The following MCF2L variants were observed in gnomAD, a reference collection of about 807,000 sequenced individuals.
MCF2L encodes guanine nucleotide exchange factor DBS.
In MCF2L, 97 loss-of-function variants were observed where a neutral mutation model predicts 153.4. That is an observed-to-expected ratio of 0.63 (90% CI 0.54 to 0.75). The LOEUF (loss-of-function observed/expected upper bound fraction) is 0.75, where lower values mean the gene tolerates loss of function less well. Among genes scored for constraint, MCF2L ranks in the 30% least tolerant of loss-of-function variants. The pLI, the probability that MCF2L is intolerant of heterozygous loss-of-function variation, is 0.00. For synonymous variants in MCF2L, 659 were observed against 632.2 expected (o/e 1.04, Z -0.64); for missense variants, 1,347 against 1,495.2 (o/e 0.90, Z 1.64).
At chr13:112,980,006 C>T (rs1306727823) in intron 1 of MCF2L, among the ~76,000 whole-genome samples, 1 of 152,188 alleles carries the variant, frequency 6.6e-6, no homozygotes, top group Non-Finnish European at 1.5e-5. Context: ...CCTGGGCTTA[C>T]GAATTTCCGC....
chr13:113,087,552 GCT>G, intron 22 of MCF2L, 96 bp downstream of exon 22: 2 of 1,152,962 alleles, frequency 1.7e-6, no homozygotes, highest in Non-Finnish European at 2.5e-6. Flanking sequence ...CTGACACCCA[GCT>G]CTCAGCCTTA....
chr13:112,927,816 T>C (rs1933199), intron 2 of MCF2L, among the ~76,000 whole-genome samples: 64,846 of 151,996 alleles, frequency 0.43, 13,864 homozygotes, highest in South Asian at 0.52. Context: ...TGTGAAGCTC[T>C]ACATGACAAA....
At position 112,904,929 on chromosome 13, in the gene MCF2L, G is replaced by A. The variant is rs541742115; in HGVS notation, c.169+2558G>A. On this transcript the variant is annotated intron_variant, in intron 2 of 29. Coordinates refer to the MCF2L transcript ENST00000375608. The surrounding 1 kb of genome is among the most constrained non-coding windows in gnomAD (Gnocchi z 4.2). ...TGATAGTTTTTTTTGTCATAAAATAGACACCCATGAAATGTACCATTTTAA... is the reference window on the plus strand; with the variant it reads ...TGATAGTTTTTTTTGTCATAAAATAAACACCCATGAAATGTACCATTTTAA... 1.3e-5 allele frequency among the ~76,000 whole-genome samples: 2 copies of A among 152,272 alleles called. No individual in the cohort carries two copies. Among genetic ancestry groups the A allele is most frequent in the Admixed American group, 1.3e-4 (2 of 15,292 alleles).
intron 2 of MCF2L, among the ~76,000 whole-genome samples, chr13:112,952,005 G>C (rs977558963): frequency 1.3e-5 from 2 of 152,220 alleles, no homozygotes; most frequent in African/African-American, 4.8e-5. Flanking sequence ...TCCTTTTAGG[G>C]AATTATGACC....
At chr13:112,913,265 CTG>C (rs1301628468) in intron 2 of MCF2L, among the ~76,000 whole-genome samples, 4 of 148,774 alleles carry the variant, frequency 2.7e-5, no homozygotes, top group African/African-American at 1.0e-4. Flanking sequence ...ATCTCTGTGT[CTG>C]TATGTATGGG....
intron 1 of MCF2L, among the ~76,000 whole-genome samples, chr13:112,897,724 G>A (rs2081081301): frequency 6.6e-6 from 1 of 152,244 alleles, no homozygotes; most frequent in Non-Finnish European, 1.5e-5. Context: ...ATTCATTAAA[G>A]AAATGGCAGA....
intron 2 of MCF2L, among the ~76,000 whole-genome samples, chr13:112,905,958 C>CGAA (rs2081168589): frequency 6.6e-6 from 1 of 152,160 alleles, no homozygotes. Context: ...GAAGGTGATT[C>CGAA]CCCCTGGTTC....
At position 113,070,778 on chromosome 13, in the gene MCF2L, T is replaced by TCAC. The variant is rs2032836177; in HGVS notation, c.996+606_996+608dup. Among the ~76,000 whole-genome samples the TCAC allele has an allele frequency of 6.6e-6, 1 of 152,262 alleles. No individual in the cohort carries two copies. Among genetic ancestry groups the TCAC allele is most frequent in the Non-Finnish European group, 1.5e-5 (1 of 68,048 alleles). On this transcript the variant is annotated intron_variant, in intron 9 of 29. Coordinates refer to ENST00000535094, the MANE Select transcript of MCF2L (RefSeq NM_001112732.3). The surrounding 1 kb of genome is among the most constrained non-coding windows in gnomAD (Gnocchi z 5.6). Reference sequence around the variant, plus strand: ...CTGCAGACCCCCAGGTGCCGGTGGCTCACTCATTGTGTTCCCCGGTGTGGA... The same window carrying TCAC: ...CTGCAGACCCCCAGGTGCCGGTGGCTCACCACTCATTGTGTTCCCCGGTGTGGA...
intron 4 of MCF2L, among the ~76,000 whole-genome samples, chr13:113,055,369 A>ACCCCCCCCCCCCCCCCC (rs56189966): frequency 1.1e-4 from 1 of 8,948 alleles, no homozygotes; most frequent in Non-Finnish European, 2.3e-4. Flanking sequence ...GGAGACGTGG[A>ACCCCCCCCCCCCCCCCC]CCCCCCCCCC....
rs976773107 is a variant in MCF2L at position 113,070,302 on chromosome 13, T to A, written c.996+129T>A. ...GACTTTGGCTTAATGCAGAAAAGTC[T>A]CCGCTTGCCAGGTGGAGCCTGTGAG... On this transcript the variant is annotated intron_variant, in intron 9 of 29. Transcript: ENST00000535094. This position sits in a 1 kb window ranked among gnomAD's most constrained non-coding sequence, Gnocchi z 5.6. 2.9e-5 allele frequency: 16 copies of A among 545,294 alleles called. No homozygotes were observed. Among genetic ancestry groups the A allele is most frequent in the Non-Finnish European group, 4.9e-5 (16 of 323,970 alleles). The allele number at this position is 545,294 out of a possible 1,614,324, so 33.8% of individuals were successfully genotyped here.
intron 27 of MCF2L, 57 bp from the exon 28 acceptor site, chr13:113,096,303 TGGCTGCTGTGG>T (rs936523545): frequency 9.5e-6 from 12 of 1,259,834 alleles, no homozygotes; most frequent in African/African-American, 3.0e-5. Flanking sequence ...GCACTCCGCC[TGGCTGCTGTGG>T]GGCTGCTGCC....
chr13:113,044,736 G>A (rs771242296), intron 3 of MCF2L: 84 of 1,612,780 alleles, frequency 5.2e-5, no homozygotes, highest in Middle Eastern at 1.6e-4. Flanking sequence ...TGTGGCTGTC[G>A]CAGAGAGTGC....
intron 1 of MCF2L, among the ~76,000 whole-genome samples, chr13:112,971,335 A>T (rs1343109191): frequency 6.6e-6 from 1 of 152,158 alleles, no homozygotes; most frequent in Non-Finnish European, 1.5e-5. Context: ...GCGGGAGGTC[A>T]TGGAGCTGCT....
chr13:112,903,839 G>A (rs1024974561), intron 2 of MCF2L, among the ~76,000 whole-genome samples: 1 of 152,190 alleles, frequency 6.6e-6, no homozygotes, highest in Non-Finnish European at 1.5e-5. Flanking sequence ...CCCTGTGAGC[G>A]AGGAGACAGC....
At chr13:112,957,049 C>G (rs1478841114) in intron 2 of MCF2L, 2 of 152,082 alleles carry the variant, frequency 1.3e-5, no homozygotes, top group Non-Finnish European at 2.9e-5. Context: ...TCTTGTGATG[C>G]CTTTGTGATT....
intron 3 of MCF2L, among the ~76,000 whole-genome samples, chr13:113,032,998 G>A (rs1246719169): frequency 6.7e-6 from 1 of 148,750 alleles, no homozygotes; most frequent in Non-Finnish European, 1.5e-5. Context: ...TGGCCCCCGT[G>A]ATGTGAGTGG....
chr13:113,096,497 C>G lies in MCF2L; in HGVS notation c.3188+14C>G. The G allele has an allele frequency of 3.2e-6, 5 of 1,583,172 alleles. No homozygotes were observed. The highest frequency in any genetic ancestry group is 3.4e-4 in the Middle Eastern group (2 of 5,820). On this transcript the variant is annotated intron_variant, in intron 28 of 29. Coordinates refer to ENST00000535094, the MANE Select transcript of MCF2L (RefSeq NM_001112732.3). ...CGAGGGCCTCTGGTAAGACCCCGCG[C>G]TCAGCCCCGGACTGCCCCGCACGTG...
In MCF2L at chr13:113,083,963, G is replaced by A. The variant is rs374590280; in HGVS notation, c.1992-35G>A. 9 of 1,516,972 alleles carry A rather than the reference G, an allele frequency of 5.9e-6. 1 individual carries two copies. Among genetic ancestry groups the A allele is most frequent in the Admixed American group, 1.7e-5 (1 of 59,836 alleles). 94.0% of individuals were successfully genotyped at this position (1,516,972 alleles called of 1,614,324 possible). On this transcript the variant is annotated intron_variant, in intron 17 of 29. Coordinates refer to ENST00000535094, the MANE Select transcript of MCF2L (RefSeq NM_001112732.3). ...GTCACTGGTCCACGTGACTCGGCCTGTCTTTCATACTACTTAAAAACCTTC... is the reference window on the plus strand; with the variant it reads ...GTCACTGGTCCACGTGACTCGGCCTATCTTTCATACTACTTAAAAACCTTC...
At chr13:113,085,926 G>A (rs1012526220) in intron 20 of MCF2L, among the ~76,000 whole-genome samples, 198 bp from the exon 21 acceptor site, 3 of 151,716 alleles carry the variant, frequency 2.0e-5, no homozygotes, top group Admixed American at 6.6e-5. Flanking sequence ...CCAAGGGTCT[G>A]CACCTGGCAG....
Sources: gnomAD v4.1 joint callset for allele counts (sites outside exome capture counted in the v4.1 genomes callset) on GRCh38, gnomAD v4.1.1 for gene constraint, Gnocchi (gnomAD v3.1) non-coding constraint, MANE v1.5 for transcripts, NCBI Gene and HGNC (gene_info 2026-07-23, HGNC 2026-07-21) for gene names.